POU6F2: variants seen among roughly 807,000 people sequenced by gnomAD.
POU6F2 encodes POU class 6 homeobox 2.
In POU6F2, 31 loss-of-function variants were observed where a neutral mutation model predicts 71.3. That is an observed-to-expected ratio of 0.43 (90% confidence interval 0.33 to 0.59). The LOEUF (loss-of-function observed/expected upper bound fraction) is 0.59, where lower values mean the gene tolerates loss of function less well. Ranked by LOEUF, POU6F2 falls within the 20% of genes least tolerant of loss-of-function variation. The pLI is 0.04. For missense variants in POU6F2, 783 were observed against 856.8 expected (o/e 0.91, Z 1.07); for synonymous variants, 347 against 355.7 (o/e 0.98, Z 0.27).
At chr7:39,351,080 T>A (rs1205269282) in intron 5 of POU6F2, among the ~76,000 whole-genome samples, 1 of 152,218 alleles carries the variant, frequency 6.6e-6, no homozygotes, top group Admixed American at 6.5e-5. Context: ...CAGCATTTTT[T>A]AAACTTTCCA....
chr7:39,069,329 C>G (rs1174820628), intron 1 of POU6F2, among the ~76,000 whole-genome samples: 1 of 152,184 alleles, frequency 6.6e-6, no homozygotes, highest in Admixed American at 6.5e-5. Flanking sequence ...AGAGAAGAGA[C>G]TTGCTTGGGA....
intron 1 of POU6F2, chr7:39,083,530 G>A (rs1280084330): frequency 1.1e-4 from 13 of 121,604 alleles, no homozygotes; most frequent in Non-Finnish European, 1.9e-4. Flanking sequence ...ATCAGAACTC[G>A]AACATGCATG....
chr7:39,418,490 G>A (rs1274321946), intron 6 of POU6F2, among the ~76,000 whole-genome samples: 1 of 152,114 alleles, frequency 6.6e-6, no homozygotes, highest in East Asian at 1.9e-4. Context: ...AGGAATTCGA[G>A]ACCAGCCTGG....
chr7:39,105,688 G>A (rs552482772), intron 2 of POU6F2, among the ~76,000 whole-genome samples: 6 of 152,278 alleles, frequency 3.9e-5, no homozygotes, highest in African/African-American at 7.2e-5. Flanking sequence ...AAGTATGGAC[G>A]TGGTAAACTA....
intron 2 of POU6F2, among the ~76,000 whole-genome samples, chr7:39,089,710 T>C (rs762596335): frequency 3.9e-5 from 6 of 152,198 alleles, no homozygotes; most frequent in Non-Finnish European, 5.9e-5. Context: ...ACAGAAAGGA[T>C]AAAAGTAATA....
intron 2 of POU6F2, among the ~76,000 whole-genome samples, chr7:39,196,111 C>G (rs1012892995): frequency 2.0e-5 from 3 of 152,136 alleles, no homozygotes; most frequent in Non-Finnish European, 2.9e-5. Context: ...GATCTTGTCC[C>G]CTTGTCAAGC....
chr7:39,424,083 A>G (rs994428694), intron 6 of POU6F2, among the ~76,000 whole-genome samples: 2 of 152,214 alleles, frequency 1.3e-5, no homozygotes, highest in African/African-American at 4.8e-5. Context: ...ACAGACAGCT[A>G]TCTTCTTGCT....
chr7:39,371,921 TTTC>T (rs1374730230), intron 5 of POU6F2, among the ~76,000 whole-genome samples: 2 of 152,126 alleles, frequency 1.3e-5, no homozygotes, highest in Non-Finnish European at 2.9e-5. Flanking sequence ...TGTGTTTTGT[TTTC>T]TTCTTTTTCA....
intron 5 of POU6F2, among the ~76,000 whole-genome samples, chr7:39,390,871 G>T (rs1787061713): frequency 6.6e-6 from 1 of 151,756 alleles, no homozygotes; most frequent in African/African-American, 2.4e-5. Context: ...TTTACCTGTG[G>T]ACAACTTTCA....
chr7:39,153,944 C>CTAT (rs1333481180), intron 2 of POU6F2, among the ~76,000 whole-genome samples: 3 of 152,110 alleles, frequency 2.0e-5, no homozygotes, highest in African/African-American at 7.2e-5. Context: ...ACTCTGCCAC[C>CTAT]TATAATGTTC....
At chr7:39,165,967 G>A (rs1281826945) in intron 2 of POU6F2, among the ~76,000 whole-genome samples, 1 of 152,186 alleles carries the variant, frequency 6.6e-6, no homozygotes, top group Non-Finnish European at 1.5e-5. Flanking sequence ...CACATCCTTC[G>A]GAGAACCTTT....
At chr7:39,133,905 C>T (rs954138938) in intron 2 of POU6F2, among the ~76,000 whole-genome samples, 7 of 152,210 alleles carry the variant, frequency 4.6e-5, no homozygotes, top group East Asian at 1.9e-4. Context: ...TAGACCGTCT[C>T]GCCCCATTGC....
At chr7:39,111,100 G>A (rs755332270) in intron 2 of POU6F2, among the ~76,000 whole-genome samples, 2 of 152,028 alleles carry the variant, frequency 1.3e-5, no homozygotes, top group Non-Finnish European at 2.9e-5. Flanking sequence ...GTATACTTTT[G>A]TCCCCAGGAG....
chr7:39,078,471 TA>T, intron 1 of POU6F2, among the ~76,000 whole-genome samples: 1 of 152,302 alleles, frequency 6.6e-6, no homozygotes, highest in East Asian at 1.9e-4. Context: ...TGCTGGTCAA[TA>T]AGGTACTAAT....
intron 1 of POU6F2, chr7:39,006,848 AAATGAGTGCTCTT>A: frequency 6.2e-7 from 1 of 1,613,764 alleles, no homozygotes; most frequent in East Asian, 2.2e-5. Flanking sequence ...AGGAAGTGGC[AAATGAGTGCTCTT>A]CTTCAGGTAT....
At chr7:39,397,433 G>A (rs1261565811) in intron 5 of POU6F2, among the ~76,000 whole-genome samples, 1 of 146,024 alleles carries the variant, frequency 6.8e-6, no homozygotes, top group African/African-American at 2.5e-5. Context: ...AAATGTATAT[G>A]TATTTATATA....
At chr7:39,239,259 C>T (rs919897847) in intron 4 of POU6F2, among the ~76,000 whole-genome samples, 26 of 152,174 alleles carry the variant, frequency 1.7e-4, no homozygotes, top group African/African-American at 5.5e-4. Context: ...CTTCATAGTG[C>T]CTCAGTTTCC....
rs529969751 is a variant in POU6F2, at chr7:39,331,753, T to G, written c.599-7889T>G. Among the ~76,000 whole-genome samples the G allele has an allele frequency of 3.3e-5, 5 of 152,308 alleles. No individual in the cohort carries two copies. The East Asian group carries it at 9.7e-4, about 29-fold the overall frequency. Reference sequence around the variant, plus strand: ...CTCGAACTCCTGACCTCAAGTGACCTGGCCGCCTCGGCCTCCCAGAGTGTT... The same window carrying G: ...CTCGAACTCCTGACCTCAAGTGACCGGGCCGCCTCGGCCTCCCAGAGTGTT... On this transcript the variant is annotated intron_variant, in intron 4 of 9. Transcript: ENST00000518318.
At chr7:39,399,043 A>G (rs1303999251) in intron 5 of POU6F2, among the ~76,000 whole-genome samples, 1 of 152,162 alleles carries the variant, frequency 6.6e-6, no homozygotes, top group Non-Finnish European at 1.5e-5. Flanking sequence ...TTCCACTTTC[A>G]AGGTAGAATG....
Sources: gnomAD v4.1 joint callset for allele counts (sites outside exome capture counted in the v4.1 genomes callset) on GRCh38, gnomAD v4.1.1 for gene constraint, MANE v1.5 for transcripts, NCBI Gene and HGNC (gene_info 2026-07-23, HGNC 2026-07-21) for gene names.